Variants in SEPTIN7 observed in about 807,000 individuals in gnomAD.
SEPTIN7 encodes septin 7.
A neutral mutation model predicts 63.3 loss-of-function variants in SEPTIN7; 10 were observed. The observed-to-expected ratio is 0.16, with a 90% CI of 0.10 to 0.27. The LOEUF is 0.27. Ranked by LOEUF, SEPTIN7 falls within the 10% of genes least tolerant of loss-of-function variation. SEPTIN7 has a pLI of 1.00. For synonymous variants in SEPTIN7, 131 were observed against 165.3 expected, an observed-to-expected ratio of 0.79 and a Z score of 1.59; for missense variants, 310 against 521.0, an observed-to-expected ratio of 0.59 and a Z score of 3.94.
chr7:35,840,888 G>A (rs528469333), intron 3 of SEPTIN7, among the ~76,000 whole-genome samples: 1 of 152,260 alleles, frequency 6.6e-6, no homozygotes, highest in Admixed American at 6.5e-5. Flanking sequence ...TAAAAAGCAT[G>A]CCATTATCTT....
the SEPTIN7 span, among the ~76,000 whole-genome samples, chr7:35,912,562 G>T: frequency 6.6e-6 from 1 of 152,052 alleles, no homozygotes; most frequent in African/African-American, 2.4e-5. Context: ...CTATATTTCT[G>T]TGTGTGTGTC....
chr7:35,913,540 CTTCTTTCCTTCCTTCCTTCCTTCT>C, the SEPTIN7 span, among the ~76,000 whole-genome samples: 1 of 140,044 alleles, frequency 7.1e-6, no homozygotes, highest in African/African-American at 2.7e-5. Context: ...TCCTTCCTTC[CTTCTTTCCTTCCTTCCTTCCTTCT>C]TTCTTTCCTT....
chr7:35,871,253 C>T (rs567530047), intron 4 of SEPTIN7, among the ~76,000 whole-genome samples: 30 of 152,198 alleles, frequency 2.0e-4, no homozygotes, highest in Non-Finnish European at 4.4e-5. Flanking sequence ...CATGTGTGTC[C>T]ACATCTCAGG....
chr7:35,889,719 T>G (rs1787519106), intron 10 of SEPTIN7, among the ~76,000 whole-genome samples: 1 of 152,116 alleles, frequency 6.6e-6, no homozygotes, highest in Non-Finnish European at 1.5e-5. Flanking sequence ...GATTTTTGTA[T>G]TTTTAGTAGA....
chr7:35,873,800 C>T, intron 6 of SEPTIN7, 25 bp downstream of exon 6: 1 of 1,602,762 alleles, frequency 6.2e-7, no homozygotes, highest in Non-Finnish European at 8.5e-7. Flanking sequence ...ACTTCTGATT[C>T]CTTTTTTGTT....
At chr7:35,872,602 A>T in intron 4 of SEPTIN7, 64 bp from the exon 5 acceptor site, 2 of 1,241,848 alleles carry the variant, frequency 1.6e-6, no homozygotes, top group East Asian at 4.7e-5. Flanking sequence ...CCCTACCATC[A>T]CCCCTTGTAG....
At position 35,879,844 on chromosome 7, in the gene SEPTIN7, G is replaced by A. The variant is rs755524523; in HGVS notation, c.534G>A (p.Glu178=). The change falls in exon 7 of 14, where the codon GAG becomes GAA. Residue 178 remains glutamate, a synonymous_variant. Coordinates refer to ENST00000350320, the MANE Select transcript of SEPTIN7 (RefSeq NM_001788.6). ...SGHGLKPLDI[E]FMKRLHEKVN... is the part of the protein sequence containing the mutation. The stretch of plus-strand genomic sequence containing the variant: ...TCAGACTTAAACCATTGGATATTGA[G>A]TTTATGAAGCGTTTGCATGAAAAAG... 6.3e-7 allele frequency: 1 copy of A among 1,587,290 alleles called. No homozygotes were observed. Among genetic ancestry groups the A allele is most frequent in the Non-Finnish European group, 8.6e-7 (1 of 1,163,856 alleles).
At chr7:35,851,341 C>T (rs1268612158) in intron 3 of SEPTIN7, among the ~76,000 whole-genome samples, 1 of 151,860 alleles carries the variant, frequency 6.6e-6, no homozygotes, top group African/African-American at 2.4e-5. Context: ...AGTTATTTCC[C>T]CTTAAACTGC....
chr7:35,852,466 A>G (rs562232660), intron 3 of SEPTIN7, among the ~76,000 whole-genome samples: 1 of 152,336 alleles, frequency 6.6e-6, no homozygotes, highest in East Asian at 1.9e-4. Flanking sequence ...GAAACACAGA[A>G]AAATTTGGAA....
rs139706304 is a variant in SEPTIN7, at chr7:35,829,545, A to T, written c.62-1947A>T. Among the ~76,000 whole-genome samples, 712 of 152,306 alleles carry T rather than the reference A, an allele frequency of 4.7e-3. 11 individuals are homozygous for T. The highest frequency in any genetic ancestry group is 0.016 in the African/African-American group (676 of 41,560). On this transcript the variant is annotated intron_variant, in intron 1 of 13. Coordinates refer to ENST00000350320, the MANE Select transcript of SEPTIN7 (RefSeq NM_001788.6). ...CTAAGGATAAAGCAGTGAATAAGAGACAAGGGCAGACCCTGAGTCATTTTT... is the reference window on the plus strand; with the variant it reads ...CTAAGGATAAAGCAGTGAATAAGAGTCAAGGGCAGACCCTGAGTCATTTTT...
chr7:35,807,602 A>T (rs1386634510), intron 1 of SEPTIN7, among the ~76,000 whole-genome samples: 2 of 151,668 alleles, frequency 1.3e-5, no homozygotes, highest in Admixed American at 1.3e-4. Flanking sequence ...TGACCTCATG[A>T]TCCGCCCGTC....
At chr7:35,818,888 TG>T (rs1789246811) in intron 1 of SEPTIN7, among the ~76,000 whole-genome samples, 1 of 152,006 alleles carries the variant, frequency 6.6e-6, no homozygotes, top group Non-Finnish European at 1.5e-5. Context: ...GCTAAGGTTT[TG>T]TCAATTTTGT....
At position 35,905,803 on chromosome 7, in the gene SEPTIN7, A is replaced by C. The variant is rs2116411256; in HGVS notation, c.*1510A>C. The C allele has an allele frequency of 6.6e-6, 1 of 152,332 alleles. No individual in the cohort carries two copies. The allele number at this position is 152,332 out of a possible 1,614,324, so 9.4% of individuals were successfully genotyped here. A position where few individuals can be genotyped will look rare whatever the true frequency, so the allele number is the denominator to read the frequency against. ...ATTAGGTATACTCTCAAGTCCCTGG[A>C]AACTGAAATTTTTTTTAACTGTAAA... On this transcript the variant is annotated 3_prime_UTR_variant, in exon 14 of 14. Coordinates refer to ENST00000350320, the MANE Select transcript of SEPTIN7 (RefSeq NM_001788.6).
intron 1 of SEPTIN7, among the ~76,000 whole-genome samples, chr7:35,827,975 T>A (rs1298056066): frequency 1.3e-5 from 2 of 152,204 alleles, no homozygotes; most frequent in Non-Finnish European, 2.9e-5. Context: ...CATTCAGATT[T>A]TTAAAATATC....
downstream of SEPTIN7, among the ~76,000 whole-genome samples, chr7:35,908,199 T>G (rs186267895): frequency 7.2e-5 from 11 of 152,260 alleles, no homozygotes; most frequent in South Asian, 2.1e-4. Flanking sequence ...AATGAAAACT[T>G]TTGCTGCTTT....
intron 3 of SEPTIN7, among the ~76,000 whole-genome samples, chr7:35,841,369 A>T (rs1784400107): frequency 6.6e-6 from 1 of 152,250 alleles, no homozygotes; most frequent in Admixed American, 6.5e-5. Flanking sequence ...TAAGCAAGTC[A>T]TTGAATTATG....
Position 35,904,959 on chromosome 7 carries a change from C to T in SEPTIN7, c.*666C>T, listed in dbSNP as rs1374305154. On this transcript the variant is annotated 3_prime_UTR_variant, in exon 14 of 14. Coordinates refer to ENST00000350320, the MANE Select transcript of SEPTIN7 (RefSeq NM_001788.6). The stretch of plus-strand genomic sequence containing the variant: ...CATTACTGCTTCATTTTTGTAATAA[C>T]ATTTAATTTAGATATTTTCCATATA... The T allele has an allele frequency of 3.3e-5, 5 of 152,554 alleles. No homozygotes were observed. The East Asian group carries it at 5.8e-4, about 18-fold the overall frequency. The allele number at this position is 152,554 out of a possible 1,614,324, so 9.5% of individuals were successfully genotyped here.
chr7:35,872,080 T>A (rs866925098), intron 4 of SEPTIN7, among the ~76,000 whole-genome samples: 1 of 152,166 alleles, frequency 6.6e-6, no homozygotes, highest in Admixed American at 6.5e-5. Context: ...GTCCAGAATG[T>A]GGAGTATCAC....
chr7:35,826,512 T>C (rs10256111), intron 1 of SEPTIN7, among the ~76,000 whole-genome samples: 73,210 of 151,492 alleles, frequency 0.48, 19,399 homozygotes, highest in African/African-American at 0.71. Context: ...TTTTTGTAGC[T>C]TGATGTTTAA....
Sources: gnomAD v4.1 joint callset for allele counts (sites outside exome capture counted in the v4.1 genomes callset) on GRCh38, gnomAD v4.1.1 for gene constraint, MANE v1.5 for transcripts, NCBI Gene and HGNC (gene_info 2026-07-23, HGNC 2026-07-21) for gene names.